The following SOX6 variants were observed in gnomAD, a reference collection of about 807,000 sequenced individuals.
SOX6 encodes SRY-box transcription factor 6, also known as transcription factor SOX-6.
SOX6 carries 11 observed loss-of-function variants against 97.8 expected under a neutral mutation model. That is an observed-to-expected ratio of 0.11 (90% CI 0.07 to 0.19). SOX6 has a LOEUF of 0.19. SOX6 is among the 10% of genes least tolerant of loss of function. The pLI, the probability that SOX6 is intolerant of heterozygous loss-of-function variation, is 1.00. For synonymous variants in SOX6, 360 were observed against 371.4 expected (o/e 0.97, Z 0.35); for missense variants, 810 against 1,039.5 (o/e 0.78, Z 3.04).
intron 6 of SOX6, among the ~76,000 whole-genome samples, chr11:16,162,283 C>T (rs1564991431): frequency 2.6e-5 from 4 of 152,028 alleles, no homozygotes; most frequent in African/African-American, 4.8e-5. Flanking sequence ...CTTTAAAGTC[C>T]GATATTACAA....
chr11:16,071,178 G>A (rs571349395), intron 9 of SOX6, among the ~76,000 whole-genome samples: 3 of 151,728 alleles, frequency 2.0e-5, no homozygotes, highest in East Asian at 2.0e-4. Context: ...AGCCAGGCAG[G>A]CAACACCTGC....
chr11:16,221,440 T>C (rs1852534213), intron 4 of SOX6, among the ~76,000 whole-genome samples: 1 of 148,420 alleles, frequency 6.7e-6, no homozygotes, highest in Admixed American at 6.6e-5. Context: ...TGAGAAGCAC[T>C]TCTCTTACAC....
intron 9 of SOX6, among the ~76,000 whole-genome samples, chr11:16,080,891 G>A (rs1203624324): frequency 3.3e-5 from 5 of 151,964 alleles, no homozygotes; most frequent in Non-Finnish European, 5.9e-5. Context: ...AAATAGCCAG[G>A]CACAGTGCAA....
chr11:16,387,718 A>G (rs1026485292), intron 1 of SOX6, among the ~76,000 whole-genome samples: 3 of 152,138 alleles, frequency 2.0e-5, no homozygotes, highest in African/African-American at 7.2e-5. Flanking sequence ...AGAATTATAA[A>G]TGAATGCTGC....
At chr11:16,314,643 G>C (rs927460339) in intron 3 of SOX6, 2 of 152,046 alleles carry the variant, frequency 1.3e-5, no homozygotes, top group African/African-American at 2.4e-5. Context: ...GTAAACTTTT[G>C]TGGAAAAATT....
chr11:16,644,803 A>G (rs10832664), intron 3 of SOX6, among the ~76,000 whole-genome samples: 25,272 of 152,132 alleles, frequency 0.17, 2,753 homozygotes, highest in East Asian at 0.32. Context: ...CAAATCTTTT[A>G]TATGCTTTCT....
intron 15 of SOX6, 22 bp downstream of exon 15, chr11:15,986,181 TG>T: frequency 6.2e-7 from 1 of 1,608,286 alleles, no homozygotes; most frequent in Non-Finnish European, 8.5e-7. Context: ...AAAGCCCAGG[TG>T]GCTAAATTCA....
intron 3 of SOX6, among the ~76,000 whole-genome samples, chr11:16,275,309 C>T (rs1854365808): frequency 7.2e-6 from 1 of 138,818 alleles, no homozygotes; most frequent in African/African-American, 2.6e-5. Flanking sequence ...AAAAAAATAG[C>T]CGGGTGTGGT....
chr11:16,029,876 T>C (rs773896905), intron 12 of SOX6, among the ~76,000 whole-genome samples: 3 of 152,196 alleles, frequency 2.0e-5, no homozygotes, highest in Non-Finnish European at 4.4e-5. Flanking sequence ...AATATACCTC[T>C]TATTTAACTC....
At chr11:16,450,717 C>T (rs1859700691) in intron 1 of SOX6, among the ~76,000 whole-genome samples, 1 of 152,168 alleles carries the variant, frequency 6.6e-6, no homozygotes. Flanking sequence ...AAGAACTTAT[C>T]ATAAAGTCGC....
At chr11:16,402,771 A>C in intron 1 of SOX6, 1 of 1,605,944 alleles carries the variant, frequency 6.2e-7, no homozygotes, top group Non-Finnish European at 8.5e-7. Flanking sequence ...GAAAAAAAAC[A>C]ATCTACTATT....
chr11:16,051,038 T>C (rs982595583), intron 10 of SOX6, among the ~76,000 whole-genome samples: 1 of 151,998 alleles, frequency 6.6e-6, no homozygotes, highest in South Asian at 2.1e-4. Flanking sequence ...AATTTCTTCA[T>C]CTGTGAAAAG....
chr11:16,430,853 TTTTCTGCTGAGAACTCATGTCACC>T (rs1859258668), intron 1 of SOX6, among the ~76,000 whole-genome samples: 1 of 152,178 alleles, frequency 6.6e-6, no homozygotes, highest in Non-Finnish European at 1.5e-5. Flanking sequence ...ACCATGTCAC[TTTTCTGCTGAGAACTCATGTCACC>T]TTTCTGCTGA....
chr11:16,487,971 A>C (rs1428764569), intron 4 of SOX6, among the ~76,000 whole-genome samples: 1 of 152,240 alleles, frequency 6.6e-6, no homozygotes, highest in Non-Finnish European at 1.5e-5. Context: ...CTGGATACAG[A>C]CCAGAACAAC....
intron 3 of SOX6, among the ~76,000 whole-genome samples, chr11:16,615,975 A>T (rs989622474): frequency 6.6e-6 from 1 of 152,194 alleles, no homozygotes; most frequent in Admixed American, 6.5e-5. Flanking sequence ...TAATAACCAC[A>T]GAAATAAACT....
At chr11:16,014,124 A>G (rs1481658033) in intron 13 of SOX6, among the ~76,000 whole-genome samples, 1 of 152,046 alleles carries the variant, frequency 6.6e-6, no homozygotes, top group African/African-American at 2.4e-5. Flanking sequence ...CTGTGATGAC[A>G]CAGTAAATAA....
chr11:16,601,237 A>C (rs1382648839), intron 4 of SOX6, among the ~76,000 whole-genome samples: 1 of 152,192 alleles, frequency 6.6e-6, no homozygotes, highest in Non-Finnish European at 1.5e-5. Flanking sequence ...TTTAATGGTA[A>C]TATGGCCTAT....
chr11:16,714,736 C>G (rs1848207809), intron 3 of SOX6: 1 of 152,234 alleles, frequency 6.6e-6, no homozygotes, highest in Admixed American at 6.5e-5. Context: ...AGGCGTGAGC[C>G]ACTGCGCCCA....
chr11:16,460,345 A>T (rs930838457), intron 1 of SOX6, among the ~76,000 whole-genome samples: 2 of 152,030 alleles, frequency 1.3e-5, no homozygotes, highest in East Asian at 1.9e-4. Flanking sequence ...AACTGATTAT[A>T]AACTCCTCCA....
Sources: gnomAD v4.1 joint callset for allele counts (sites outside exome capture counted in the v4.1 genomes callset) on GRCh38, gnomAD v4.1.1 for gene constraint, MANE v1.5 for transcripts, NCBI Gene and HGNC (gene_info 2026-07-23, HGNC 2026-07-21) for gene names.